PABPC1: variants seen among roughly 807,000 people sequenced by gnomAD.
The protein encoded by PABPC1 is polyadenylate-binding protein 1.
In PABPC1, 4 loss-of-function variants were observed where a neutral mutation model predicts 74.0. That is an observed-to-expected ratio of 0.05 (90% CI 0.03 to 0.12). The LOEUF is 0.12. Ranked by LOEUF, PABPC1 falls within the 10% of genes least tolerant of loss-of-function variation. The pLI, the probability that PABPC1 is intolerant of heterozygous loss-of-function variation, is 1.00. For synonymous variants in PABPC1, 227 were observed against 264.1 expected, an observed-to-expected ratio of 0.86 and a Z score of 1.36; for missense variants, 271 against 821.1, an observed-to-expected ratio of 0.33 and a Z score of 8.19.
intron 9 of PABPC1, among the ~76,000 whole-genome samples, chr8:100,708,783 G>A (rs1810449386): frequency 6.6e-6 from 1 of 152,092 alleles, no homozygotes; most frequent in South Asian, 2.1e-4. Flanking sequence ...GGCTGAGGCA[G>A]GGAGAAATCG....
intron 7 of PABPC1, among the ~76,000 whole-genome samples, chr8:100,711,884 A>C (rs879826145): frequency 6.6e-6 from 1 of 152,274 alleles, no homozygotes. Context: ...AGACAAAAAC[A>C]TCTAGAAGAG....
intron 11 of PABPC1, among the ~76,000 whole-genome samples, chr8:100,706,140 C>T (rs113576614): frequency 2.6e-5 from 4 of 152,138 alleles, no homozygotes; most frequent in Admixed American, 2.0e-4. Context: ...TGAGCCACCA[C>T]GCCTGGCCCA....
rs903696572 is a variant in PABPC1 at position 100,715,156 on chromosome 8, C to T, written c.643+306G>A. On this transcript the variant is annotated intron_variant, in intron 4 of 14. Transcript: ENST00000318607. ...ACACACACACACACACACACACACA[C>T]ACATATATATCTCCAGCCTCTTAAT... is the stretch of plus-strand genomic sequence containing the variant. Among the ~76,000 whole-genome samples, 179 of 76,694 alleles carry T rather than the reference C, an allele frequency of 2.3e-3. 2 individuals carry two copies. In the Middle Eastern group the frequency reaches 0.042, roughly 18 times the overall value. The allele number at this position is 76,694 out of a possible 152,430, so 50.3% of individuals were successfully genotyped here. A position where few individuals can be genotyped will look rare whatever the true frequency, so the allele number is the denominator to read the frequency against.
intron 1 of PABPC1, among the ~76,000 whole-genome samples, chr8:100,718,629 T>C (rs772415365): frequency 6.6e-6 from 1 of 152,222 alleles, no homozygotes; most frequent in South Asian, 2.1e-4. Flanking sequence ...TCACATACAA[T>C]CTGTTTAATA....
intron 1 of PABPC1, among the ~76,000 whole-genome samples, chr8:100,719,309 G>C (rs1343995735): frequency 1.3e-5 from 2 of 151,816 alleles, no homozygotes; most frequent in Non-Finnish European, 2.9e-5. Context: ...TTTTATAAAT[G>C]AAAGTTCCAG....
rs557235901 is a variant in PABPC1, at chr8:100,717,709, GAATGGATTT to G, written c.503+55_503+63del. 235 of 962,922 alleles carry G rather than the reference GAATGGATTT, an allele frequency of 2.4e-4. 1 individual carries two copies. In the African/African-American group the frequency reaches 3.5e-3, roughly 15 times the overall value. 59.6% of individuals were successfully genotyped at this position (962,922 alleles called of 1,614,324 possible). ...TCCCTGACAAATATTAACTTAAAATGAATGGATTTGGAATTATTAAAAATAAGATTCAAA... is the reference window on the plus strand; with the variant it reads ...TCCCTGACAAATATTAACTTAAAATGGGAATTATTAAAAATAAGATTCAAA... On this transcript the variant is annotated intron_variant, in intron 3 of 14. Transcript: ENST00000318607.
chr8:100,718,587 T>A (rs1014388626), intron 1 of PABPC1, among the ~76,000 whole-genome samples: 17 of 152,154 alleles, frequency 1.1e-4, no homozygotes, highest in African/African-American at 4.1e-4. Context: ...TCTAAAGCAC[T>A]TTTTTTCCTA....
In PABPC1 at chr8:100,713,149, C is replaced by T; in HGVS notation, c.676G>A (p.Glu226Lys). ...PALSVKVMTD[E>K]SGKSKGFGFV... ...CCAAATCCTTTGGATTTTCCACTTT[C>T]ATCAGTCATTACTTTCACACTTAAG... The change falls in exon 5 of 15, where the codon GAA becomes AAA. Residue 226 changes from glutamate to lysine, a missense_variant. Glu to Lys is a moderately conservative substitution (Grantham distance 56). Around this residue, in one of 7 missense-constraint regions of PABPC1, gnomAD observed 78 missense variants for 202.8 expected, o/e 0.38. Transcript: ENST00000318607. 4 of 1,611,178 alleles carry T rather than the reference C, an allele frequency of 2.5e-6. No homozygotes were observed. The highest frequency in any genetic ancestry group is 3.4e-6 in the Non-Finnish European group (4 of 1,178,998).
intron 3 of PABPC1, among the ~76,000 whole-genome samples, chr8:100,717,184 A>G (rs1004156158): frequency 6.6e-6 from 1 of 152,008 alleles, no homozygotes; most frequent in African/African-American, 2.4e-5. Flanking sequence ...CTAATTTTGT[A>G]TTTTTAGTAG....
At chr8:100,715,813 CTTCTT>C (rs1463871112) in intron 3 of PABPC1, among the ~76,000 whole-genome samples, 1 of 152,044 alleles carries the variant, frequency 6.6e-6, no homozygotes, top group Non-Finnish European at 1.5e-5. Context: ...AAAAAAACCA[CTTCTT>C]TTAATACACA....
At chr8:100,713,755 A>G (rs1182964831) in intron 4 of PABPC1, among the ~76,000 whole-genome samples, 1 of 152,164 alleles carries the variant, frequency 6.6e-6, no homozygotes, top group Non-Finnish European at 1.5e-5. Context: ...CCCAAGCGCT[A>G]GGGTTACAGG....
intron 9 of PABPC1, chr8:100,707,245 T>G: frequency 2.9e-6 from 1 of 346,560 alleles, no homozygotes; most frequent in Non-Finnish European, 5.5e-6. Context: ...TCTCCCTGTA[T>G]GCAGCGACGA....
chr8:100,714,517 G>A (rs912080661), intron 4 of PABPC1, among the ~76,000 whole-genome samples: 3 of 152,080 alleles, frequency 2.0e-5, no homozygotes, highest in Non-Finnish European at 4.4e-5. Context: ...GATCACTTGA[G>A]GTCAGGAGTT....
At chr8:100,715,416 A>G (rs765936857) in intron 4 of PABPC1, 46 bp downstream of exon 4, 8 of 1,508,410 alleles carry the variant, frequency 5.3e-6, no homozygotes, top group East Asian at 2.3e-5. Context: ...AACACTGAGC[A>G]CTAATTCAGA....
At chr8:100,708,908 A>AAATAAATAAATAAAC (rs1563610918) in intron 9 of PABPC1, among the ~76,000 whole-genome samples, 4 of 132,612 alleles carry the variant, frequency 3.0e-5, no homozygotes, top group African/African-American at 1.1e-4. Context: ...AATAAATAAA[A>AAATAAATAAATAAAC]AATGAAGAGC....
In PABPC1 at chr8:100,715,456, C is replaced by T. The variant is rs780397735; in HGVS notation, c.643+6G>A. The T allele has an allele frequency of 6.3e-7, 1 of 1,584,130 alleles. No individual in the cohort carries two copies. The highest frequency in any genetic ancestry group is 8.6e-7 in the Non-Finnish European group (1 of 1,162,938). ...TGTGTGTAAAAATTTAATTAAGACACATTACCAAACTTGCCAAAGAGATCC... is the reference window on the plus strand; with the variant it reads ...TGTGTGTAAAAATTTAATTAAGACATATTACCAAACTTGCCAAAGAGATCC... On this transcript the variant is annotated splice_donor_region_variant and intron_variant, in intron 4 of 14. Transcript: ENST00000318607.
rs755847631 is a variant in PABPC1, at chr8:100,715,423, CAG to C, written c.643+37_643+38del. 5 of 1,544,000 alleles carry C rather than the reference CAG, an allele frequency of 3.2e-6. No homozygotes were observed. The African/African-American group carries it at 6.9e-5, about 21-fold the overall frequency. Reference sequence around the variant, plus strand: ...CTAAAATTAACACTGAGCACTAATTCAGAGCTTTGTGTGTAAAAATTTAATTA... The same window carrying C: ...CTAAAATTAACACTGAGCACTAATTCAGCTTTGTGTGTAAAAATTTAATTA... On this transcript the variant is annotated intron_variant, in intron 4 of 14. Coordinates refer to ENST00000318607, the MANE Select transcript of PABPC1 (RefSeq NM_002568.4).
chr8:100,708,726 G>T (rs1002172701), intron 9 of PABPC1, among the ~76,000 whole-genome samples: 1 of 149,220 alleles, frequency 6.7e-6, no homozygotes. Flanking sequence ...TAATGCGTAA[G>T]TTAGCTGGGC....
intron 7 of PABPC1, among the ~76,000 whole-genome samples, chr8:100,711,522 T>A (rs1235064425): frequency 2.0e-5 from 3 of 152,216 alleles, no homozygotes; most frequent in African/African-American, 7.2e-5. Context: ...CAAAATATGC[T>A]GATGCACAAC....
Sources: allele counts gnomAD v4.1 joint callset (sites outside exome capture counted in the v4.1 genomes callset), GRCh38; gene constraint gnomAD v4.1.1; regional missense constraint gnomAD v4.1.1; transcripts MANE v1.5; gene names NCBI Gene and HGNC (gene_info 2026-07-23, HGNC 2026-07-21).